Variants in CPLX2 observed in about 807,000 individuals in gnomAD.
CPLX2 encodes the protein complexin 2.
CPLX2 carries 5 observed loss-of-function variants against 16.3 expected under a neutral mutation model. The ratio of observed to expected loss-of-function variants is 0.31; its 90% CI spans 0.16 to 0.64. The LOEUF is 0.64. CPLX2 is among the 30% of genes least tolerant of loss of function. The pLI, the probability that CPLX2 is intolerant of heterozygous loss-of-function variation, is 0.79. For missense variants in CPLX2, 144 were observed against 181.4 expected, an observed-to-expected ratio of 0.79 and a Z score of 1.18; for synonymous variants, 89 against 73.2, an observed-to-expected ratio of 1.22 and a Z score of -1.10.
At chr5:175,823,382 A>G (rs949580677) in intron 2 of CPLX2, among the ~76,000 whole-genome samples, 5 of 152,174 alleles carry the variant, frequency 3.3e-5, no homozygotes, top group Non-Finnish European at 7.4e-5. Flanking sequence ...AGGTGAATGA[A>G]TGAGTGAGTG....
chr5:175,808,079 C>A (rs1413284901), intron 1 of CPLX2, among the ~76,000 whole-genome samples: 5 of 152,210 alleles, frequency 3.3e-5, no homozygotes, highest in African/African-American at 9.7e-5. Context: ...GAGGACATTG[C>A]AGCCCCTTCA....
chr5:175,824,486 G>A (rs1047736193), intron 2 of CPLX2, among the ~76,000 whole-genome samples: 12 of 152,174 alleles, frequency 7.9e-5, no homozygotes, highest in African/African-American at 2.9e-4. Context: ...GGAAACCAAG[G>A]CCCAGAAAGG....
At chr5:175,825,545 C>T (rs142190870) in intron 2 of CPLX2, among the ~76,000 whole-genome samples, 30 of 152,260 alleles carry the variant, frequency 2.0e-4, no homozygotes, top group African/African-American at 6.3e-4. Context: ...CTGGGGATCT[C>T]CTGGGTTGTA....
intron 2 of CPLX2, among the ~76,000 whole-genome samples, chr5:175,838,895 T>C (rs1283126545): frequency 3.3e-5 from 5 of 152,190 alleles, no homozygotes; most frequent in African/African-American, 1.2e-4. Context: ...TTCAGGGAGA[T>C]GACTTGGAGT....
At chr5:175,815,233 C>T (rs752412192) in intron 2 of CPLX2, among the ~76,000 whole-genome samples, 7 of 152,176 alleles carry the variant, frequency 4.6e-5, no homozygotes, top group Non-Finnish European at 7.3e-5. Context: ...GAGGGTCCTC[C>T]GATGGGCTGG....
At chr5:175,813,111 T>C (rs1758343066) in intron 2 of CPLX2, among the ~76,000 whole-genome samples, 1 of 152,228 alleles carries the variant, frequency 6.6e-6, no homozygotes. Context: ...ACACGTGTGA[T>C]TGATTGATGC....
intron 2 of CPLX2, among the ~76,000 whole-genome samples, chr5:175,817,989 T>G (rs527952264): frequency 1.3e-5 from 2 of 152,246 alleles, no homozygotes; most frequent in South Asian, 4.1e-4. Context: ...AAACTTTCCT[T>G]CATTCATTCT....
chr5:175,876,104 ATTGC>A (rs1759750257), intron 1 of CPLX2, among the ~76,000 whole-genome samples: 1 of 152,098 alleles, frequency 6.6e-6, no homozygotes, highest in African/African-American at 2.4e-5. Context: ...TTACTTATTT[ATTGC>A]TTATTTTCCT....
chr5:175,842,509 T>C (rs1758963427), intron 2 of CPLX2, among the ~76,000 whole-genome samples: 1 of 152,254 alleles, frequency 6.6e-6, no homozygotes. Flanking sequence ...CCCCGCTTCC[T>C]GATTGTGCCT....
chr5:175,818,193 A>G (rs1434524882), intron 2 of CPLX2, among the ~76,000 whole-genome samples: 1 of 152,106 alleles, frequency 6.6e-6, no homozygotes, highest in Non-Finnish European at 1.5e-5. Context: ...CTGGCCCACT[A>G]GGGAGGGGAA....
At chr5:175,800,700 G>A (rs572644319) in intron 1 of CPLX2, among the ~76,000 whole-genome samples, 2 of 152,140 alleles carry the variant, frequency 1.3e-5, no homozygotes, top group South Asian at 4.1e-4. Context: ...CCTTCAAGAC[G>A]CTTACTCATT....
rs35250246 is a variant in CPLX2 at position 175,825,937 on chromosome 5, CA to C, written c.-89+16891del. Among the ~76,000 whole-genome samples the C allele has an allele frequency of 8.9e-3, 396 of 44,398 alleles. 2 individuals are homozygous for C. Among genetic ancestry groups the C allele is most frequent in the African/African-American group, 0.034 (347 of 10,258 alleles). 29.1% of individuals were successfully genotyped at this position (44,398 alleles called of 152,430 possible). A position where few individuals can be genotyped will look rare whatever the true frequency, so the allele number is the denominator to read the frequency against. On this transcript the variant is annotated intron_variant, in intron 2 of 4. Transcript: ENST00000359546. Reference sequence around the variant, plus strand: ...GGAAGTGGTTTTAAATGAATAAGTGCAAAAAAAAAAAAAAAAAAAAAAGCCT... The same window carrying C: ...GGAAGTGGTTTTAAATGAATAAGTGCAAAAAAAAAAAAAAAAAAAAAGCCT...
At chr5:175,832,013 T>G (rs1758743313) in intron 2 of CPLX2, among the ~76,000 whole-genome samples, 1 of 152,244 alleles carries the variant, frequency 6.6e-6, no homozygotes, top group Admixed American at 6.5e-5. Context: ...CCTAGGACTC[T>G]GCTGGCTCTG....
chr5:175,831,355 G>A lies in CPLX2; in HGVS notation c.-89+22287G>A, dbSNP rs375808952. Reference sequence around the variant, plus strand: ...GGGACTTGCTCAAGGCCAGTCAGCCGCAGAGAGAACTGGAACCCAGATTTG... The same window carrying A: ...GGGACTTGCTCAAGGCCAGTCAGCCACAGAGAGAACTGGAACCCAGATTTG... On this transcript the variant is annotated intron_variant, in intron 2 of 4. Transcript: ENST00000359546. Among the ~76,000 whole-genome samples, 53 of 152,248 alleles carry A rather than the reference G, an allele frequency of 3.5e-4. No homozygotes were observed. The South Asian group carries it at 8.7e-3, about 25-fold the overall frequency.
At chr5:175,866,385 G>A (rs957513210) in intron 2 of CPLX2, among the ~76,000 whole-genome samples, 1 of 152,254 alleles carries the variant, frequency 6.6e-6, no homozygotes, top group African/African-American at 2.4e-5. Context: ...CCAGAGGCAA[G>A]AGAGGAAAGA....
At chr5:175,816,947 A>G (rs1254941109) in intron 2 of CPLX2, among the ~76,000 whole-genome samples, 2 of 152,256 alleles carry the variant, frequency 1.3e-5, no homozygotes, top group Admixed American at 6.5e-5. Flanking sequence ...CTGTTCAGAA[A>G]GAAATTGCCA....
At chr5:175,873,128 C>G (rs1348825044) in intron 1 of CPLX2, 2 of 146,092 alleles carry the variant, frequency 1.4e-5, no homozygotes, top group Non-Finnish European at 3.0e-5. Flanking sequence ...CACCCTCACC[C>G]CCCTTCCCGC....
chr5:175,857,752 C>T (rs1016426846), intron 2 of CPLX2, among the ~76,000 whole-genome samples: 2 of 152,178 alleles, frequency 1.3e-5, no homozygotes, highest in African/African-American at 4.8e-5. Flanking sequence ...AGTTGGGAGC[C>T]ATTGTATCTG....
intron 1 of CPLX2, among the ~76,000 whole-genome samples, chr5:175,873,783 C>A (rs1352455995): frequency 6.6e-6 from 1 of 152,228 alleles, no homozygotes; most frequent in Admixed American, 6.5e-5. Context: ...TCAATGCTCA[C>A]TACAAGCCTT....
Sources: allele counts gnomAD v4.1 joint callset (sites outside exome capture counted in the v4.1 genomes callset), GRCh38; gene constraint gnomAD v4.1.1; transcripts MANE v1.5; gene names NCBI Gene and HGNC (gene_info 2026-07-23, HGNC 2026-07-21).